Variants in SCARA5 observed in about 807,000 individuals in gnomAD.
The protein encoded by SCARA5 is scavenger receptor class A, member 5 (putative).
A neutral mutation model predicts 46.3 loss-of-function variants in SCARA5; 45 were observed. The ratio of observed to expected loss-of-function variants is 0.97; its 90% CI spans 0.76 to 1.24. The LOEUF is 1.24. Among genes scored for constraint, SCARA5 ranks in the 50% most tolerant of loss-of-function variants. The pLI, the probability that SCARA5 is intolerant of heterozygous loss-of-function variation, is 0.00. For missense variants in SCARA5, 680 were observed against 689.0 expected, an observed-to-expected ratio of 0.99 and a Z score of 0.15; for synonymous variants, 333 against 306.5, an observed-to-expected ratio of 1.09 and a Z score of -0.90.
chr8:27,870,739 T>C lies in SCARA5; in HGVS notation c.*1195A>G, dbSNP rs1191844074. 1 of 152,224 alleles carries C rather than the reference T, an allele frequency of 6.6e-6. No homozygotes were observed. Among genetic ancestry groups the C allele is most frequent in the Non-Finnish European group, 1.5e-5 (1 of 68,064 alleles). 9.4% of individuals were successfully genotyped at this position (152,224 alleles called of 1,614,324 possible). A position where few individuals can be genotyped will look rare whatever the true frequency, so the allele number is the denominator to read the frequency against. On this transcript the variant is annotated 3_prime_UTR_variant, in exon 9 of 9. Transcript: ENST00000354914. ...ATTTATGGAGGCCCAAGGCCCCTTA[T>C]TCCTACTCCCCACCCCCAGAGGTTA...
chr8:27,991,295 G>T (rs1262406339), intron 1 of SCARA5, among the ~76,000 whole-genome samples: 2 of 152,166 alleles, frequency 1.3e-5, no homozygotes, highest in East Asian at 1.9e-4. Flanking sequence ...TCACTCAGGG[G>T]AGCTGGTGGC....
intron 2 of SCARA5, among the ~76,000 whole-genome samples, chr8:27,970,885 T>G (rs560622209): frequency 5.9e-4 from 88 of 149,780 alleles, no homozygotes; most frequent in African/African-American, 2.1e-3. Context: ...TTTGGCTTTT[T>G]TTTAAAAAAA....
intron 3 of SCARA5, among the ~76,000 whole-genome samples, chr8:27,939,861 T>C (rs1419111873): frequency 6.6e-6 from 1 of 152,138 alleles, no homozygotes; most frequent in African/African-American, 2.4e-5. Flanking sequence ...GAATGTTAAA[T>C]CCAGAATTGG....
intron 3 of SCARA5, among the ~76,000 whole-genome samples, chr8:27,928,023 ATTTGGGGATAAATATTC>A (rs2129833426): frequency 6.6e-6 from 1 of 152,308 alleles, no homozygotes; most frequent in African/African-American, 2.4e-5. Flanking sequence ...AACAAAAATT[ATTTGGGGATAAATATTC>A]TTTGGGCATC....
In SCARA5 at chr8:27,921,605, G is replaced by C; in HGVS notation, c.882C>G (p.His294Gln). The change falls in exon 4 of 9, where the codon CAC (histidine) becomes CAG (glutamine). Residue 294 changes from histidine (H) to glutamine (Q), a missense_variant. Transcript: ENST00000354914. ...GGGAGATGTTCCGCAGTGCGATGGA[G>C]TGCTCCCAGTCCTTGAGGCGCAGGT... is the stretch of plus-strand genomic sequence containing the variant. The part of the protein sequence containing the change: ...TEDLRLKDWE[H>Q]SIALRNISLA... 6.3e-7 allele frequency: 1 copy of C among 1,587,366 alleles called. No homozygotes were observed. Among genetic ancestry groups the C allele is most frequent in the Non-Finnish European group, 8.6e-7 (1 of 1,164,826 alleles).
intron 4 of SCARA5, 151 bp from the exon 5 acceptor site, chr8:27,909,894 G>A (rs756783377): frequency 1.8e-5 from 10 of 552,684 alleles, no homozygotes; most frequent in Non-Finnish European, 3.2e-5. Flanking sequence ...CCAGTCTCGG[G>A]GGGCATCAGG....
At chr8:27,907,633 G>C (rs1048665228) in intron 5 of SCARA5, among the ~76,000 whole-genome samples, 3 of 137,906 alleles carry the variant, frequency 2.2e-5, no homozygotes, top group African/African-American at 5.5e-5. Flanking sequence ...GGAGTGGCAC[G>C]ATCTCGGCTC....
At chr8:27,924,923 C>T (rs1336764508) in intron 3 of SCARA5, among the ~76,000 whole-genome samples, 2 of 152,122 alleles carry the variant, frequency 1.3e-5, no homozygotes, top group Non-Finnish European at 2.9e-5. Context: ...AGGAATCCAA[C>T]TTACAAGGGA....
chr8:27,871,715 A>G lies in SCARA5; in HGVS notation c.*219T>C. On this transcript the variant is annotated 3_prime_UTR_variant, in exon 9 of 9. Coordinates refer to ENST00000354914, the MANE Select transcript of SCARA5 (RefSeq NM_173833.6). Reference sequence around the variant, plus strand: ...TCCTCATGCAGGAACCTGGTGGAAGAGAGAGACGGGCAGTAGGTCCCAGAG... The same window carrying G: ...TCCTCATGCAGGAACCTGGTGGAAGGGAGAGACGGGCAGTAGGTCCCAGAG... 7.1e-7 allele frequency: 1 copy of G among 1,398,878 alleles called. No individual in the cohort carries two copies. The highest frequency in any genetic ancestry group is 2.6e-5 in the East Asian group (1 of 38,034). The allele number at this position is 1,398,878 out of a possible 1,614,324, so 86.7% of individuals were successfully genotyped here.
Position 27,921,995 on chromosome 8 carries a change from C to A in SCARA5, c.492G>T (p.Glu164Asp). ...GGTCCCGCAGCAGGGCCACCGCCTG[C>A]TCGGTCTGCACCGCCTGCGCCTGCA... Reference protein sequence around the residue: ...WGLQAQAVQTEQAVALLRDRT... With the variant: ...WGLQAQAVQTDQAVALLRDRT... The change falls in exon 4 of 9, where the codon GAG becomes GAT. Residue 164 changes from glutamate to aspartate, a missense_variant. Around this residue, in one of 3 missense-constraint regions of SCARA5, gnomAD observed 438 missense variants for 384.5 expected, o/e 1.14. Coordinates refer to ENST00000354914, the MANE Select transcript of SCARA5 (RefSeq NM_173833.6). 6.4e-7 allele frequency: 1 copy of A among 1,556,978 alleles called. No individual in the cohort carries two copies. The highest frequency in any genetic ancestry group is 8.6e-7 in the Non-Finnish European group (1 of 1,159,832).
chr8:27,972,561 A>G (rs1808464180), intron 2 of SCARA5, among the ~76,000 whole-genome samples: 1 of 152,168 alleles, frequency 6.6e-6, no homozygotes, highest in African/African-American at 2.4e-5. Flanking sequence ...CAAATTTTAG[A>G]TGTTCAAGTT....
At chr8:27,897,734 G>A (rs79331663) in intron 7 of SCARA5, among the ~76,000 whole-genome samples, 6 of 152,338 alleles carry the variant, frequency 3.9e-5, no homozygotes, top group East Asian at 3.9e-4. Flanking sequence ...CTCAACTTAC[G>A]TGTGAAATGC....
At chr8:27,969,026 G>A (rs1808409933) in intron 2 of SCARA5, among the ~76,000 whole-genome samples, 1 of 152,164 alleles carries the variant, frequency 6.6e-6, no homozygotes, top group Non-Finnish European at 1.5e-5. Flanking sequence ...AGAACATAAT[G>A]AGGGTTTCAA....
At chr8:27,964,706 A>C (rs1294267180) in intron 3 of SCARA5, among the ~76,000 whole-genome samples, 2 of 152,082 alleles carry the variant, frequency 1.3e-5, no homozygotes, top group Admixed American at 6.5e-5. Context: ...AGACACCAGA[A>C]GAGAACCGTC....
At chr8:27,894,203 CAG>C (rs1807027109) in intron 7 of SCARA5, among the ~76,000 whole-genome samples, 1 of 152,212 alleles carries the variant, frequency 6.6e-6, no homozygotes, top group Non-Finnish European at 1.5e-5. Flanking sequence ...GCTCATTTAA[CAG>C]AAGAGAAAAC....
rs1407966689 is a variant in SCARA5 at position 27,888,110 on chromosome 8, G to A, written c.1154-8344C>T. ...CTGGCTCTGTCACCCAGGCTGGAGT[G>A]CAGTGGCATGATCTCGGCTCACTAC... On this transcript the variant is annotated intron_variant, in intron 7 of 8. Transcript: ENST00000354914. Among the ~76,000 whole-genome samples the A allele has an allele frequency of 2.6e-5, 4 of 152,136 alleles. No individual in the cohort carries two copies. The East Asian group carries it at 7.7e-4, about 29-fold the overall frequency.
At chr8:27,960,828 C>A (rs915443463) in intron 3 of SCARA5, among the ~76,000 whole-genome samples, 2 of 116,768 alleles carry the variant, frequency 1.7e-5, no homozygotes, top group East Asian at 2.3e-4. Context: ...GAGTTGTGAT[C>A]ATGTTAAAAA....
Position 27,987,558 on chromosome 8 carries a change from A to G in SCARA5, c.58T>C (p.Cys20Arg). The G allele has an allele frequency of 6.2e-7, 1 of 1,614,124 alleles. No individual in the cohort carries two copies. The highest frequency in any genetic ancestry group is 2.2e-5 in the East Asian group (1 of 44,876). The change falls in exon 2 of 9, where the codon TGT becomes CGT. Residue 20 changes from cysteine (C) to arginine (R), a missense_variant. This residue lies in a region of SCARA5 where 23 missense variants were observed against 35.0 expected (regional missense o/e 0.66). Coordinates refer to ENST00000354914, the MANE Select transcript of SCARA5 (RefSeq NM_173833.6). ...TVSDCDTSSI[C>R]EDSFDGRSLS... is the part of the protein sequence containing the mutation. ...CTCCTGCCATCAAAGGAATCCTCAC[A>G]GATGGAGCTGGTGTCACAGTCGCTG... is the stretch of plus-strand genomic sequence containing the variant.
chr8:27,960,276 G>A (rs2685408), intron 3 of SCARA5, among the ~76,000 whole-genome samples: 81,236 of 151,554 alleles, frequency 0.54, 21,981 homozygotes, highest in South Asian at 0.66. Flanking sequence ...TCCTGGGCTC[G>A]AGTGATCCTC....
Sources: allele counts gnomAD v4.1 joint callset (sites outside exome capture counted in the v4.1 genomes callset), GRCh38; gene constraint gnomAD v4.1.1; regional missense constraint gnomAD v4.1.1; transcripts MANE v1.5; gene names NCBI Gene and HGNC (gene_info 2026-07-23, HGNC 2026-07-21).